TASP1: variants seen among roughly 807,000 people sequenced by gnomAD.
TASP1 encodes taspase 1.
In TASP1, 16 loss-of-function variants were observed where a neutral mutation model predicts 56.6. The ratio of observed to expected loss-of-function variants is 0.28; its 90% CI spans 0.19 to 0.43. The LOEUF is 0.43. Among genes scored for constraint, TASP1 ranks in the 20% least tolerant of loss-of-function variants. TASP1 has a pLI of 1.00. For synonymous variants in TASP1, 179 were observed against 184.2 expected, an observed-to-expected ratio of 0.97 and a Z score of 0.23; for missense variants, 393 against 511.6, an observed-to-expected ratio of 0.77 and a Z score of 2.24.
At chr20:13,634,344 C>T (rs565320994) in intron 1 of TASP1, among the ~76,000 whole-genome samples, 4 of 152,172 alleles carry the variant, frequency 2.6e-5, no homozygotes, top group South Asian at 2.1e-4. Flanking sequence ...AAGAGACAGA[C>T]GGTAGATCTG....
the TASP1 span, among the ~76,000 whole-genome samples, chr20:13,201,237 G>C: frequency 6.6e-6 from 1 of 152,198 alleles, no homozygotes; most frequent in African/African-American, 2.4e-5. Context: ...AGAAAGGCAA[G>C]AGTAAAATTA....
intron 7 of TASP1, among the ~76,000 whole-genome samples, chr20:13,566,109 G>T (rs1336311754): frequency 1.3e-5 from 2 of 152,108 alleles, no homozygotes; most frequent in Non-Finnish European, 2.9e-5. Flanking sequence ...AGTACTCTAT[G>T]ATTCCACTTA....
the TASP1 span, among the ~76,000 whole-genome samples, chr20:13,343,817 A>G: frequency 6.6e-5 from 10 of 152,124 alleles, no homozygotes; most frequent in Non-Finnish European, 1.0e-4. Flanking sequence ...AAAGAAAGAC[A>G]TTAGGGATCC....
chr20:13,541,101 T>C (rs1179466147), intron 8 of TASP1, among the ~76,000 whole-genome samples: 3 of 150,434 alleles, frequency 2.0e-5, no homozygotes, highest in Admixed American at 6.6e-5. Context: ...CTATAGAGAA[T>C]AGACAAAATA....
At chr20:13,284,738 A>C in the TASP1 span, among the ~76,000 whole-genome samples, 2 of 152,222 alleles carry the variant, frequency 1.3e-5, no homozygotes, top group Non-Finnish European at 2.9e-5. Context: ...CCTAGGAGGC[A>C]GTTTCACTTC....
At chr20:13,613,545 A>G (rs780682403) in intron 4 of TASP1, among the ~76,000 whole-genome samples, 14 of 151,954 alleles carry the variant, frequency 9.2e-5, no homozygotes, top group Non-Finnish European at 1.6e-4. Context: ...CAGAAAGCCT[A>G]TTTTCATCCA....
At chr20:13,405,810 C>A (rs193229686) in intron 13 of TASP1, among the ~76,000 whole-genome samples, 534 of 152,018 alleles carry the variant, frequency 3.5e-3, no homozygotes, top group African/African-American at 0.012. Flanking sequence ...CCCGCCTCAG[C>A]CTCCGAAAGT....
At chr20:13,142,987 T>C in the TASP1 span, among the ~76,000 whole-genome samples, 1 of 152,214 alleles carries the variant, frequency 6.6e-6, no homozygotes, top group Non-Finnish European at 1.5e-5. Context: ...GCTCTCTTAA[T>C]TAGGACTTCA....
chr20:13,585,348 A>G (rs139141806), intron 5 of TASP1, among the ~76,000 whole-genome samples: 320 of 152,330 alleles, frequency 2.1e-3, no homozygotes, highest in African/African-American at 7.2e-3. Context: ...TGCTAACTTA[A>G]ACTTCATTAA....
chr20:13,172,357 T>C, the TASP1 span, among the ~76,000 whole-genome samples: 1 of 152,164 alleles, frequency 6.6e-6, no homozygotes, highest in Non-Finnish European at 1.5e-5. Flanking sequence ...ATTATAAACA[T>C]GGAAAGTTCA....
chr20:13,363,883 G>C, the TASP1 span, among the ~76,000 whole-genome samples: 1 of 152,144 alleles, frequency 6.6e-6, no homozygotes, highest in African/African-American at 2.4e-5. Flanking sequence ...CCTCAGAAAT[G>C]AGCATTAAGG....
chr20:13,610,714 G>T (rs1053458707), intron 4 of TASP1, among the ~76,000 whole-genome samples: 14 of 151,942 alleles, frequency 9.2e-5, no homozygotes, highest in African/African-American at 3.4e-4. Context: ...AAGAGTCAAA[G>T]AATTAAAATT....
chr20:13,541,568 C>T (rs1220647753), intron 8 of TASP1, among the ~76,000 whole-genome samples: 1 of 152,028 alleles, frequency 6.6e-6, no homozygotes, highest in East Asian at 1.9e-4. Flanking sequence ...CATCTCATCA[C>T]CTTCTAAAAT....
the TASP1 span, among the ~76,000 whole-genome samples, chr20:13,162,748 C>G: frequency 6.6e-6 from 1 of 152,238 alleles, no homozygotes; most frequent in Admixed American, 6.5e-5. Flanking sequence ...AAATATATAG[C>G]CAGCCAGTGA....
chr20:13,514,092 T>C (rs1481156094), intron 10 of TASP1, among the ~76,000 whole-genome samples: 1 of 152,166 alleles, frequency 6.6e-6, no homozygotes, highest in Non-Finnish European at 1.5e-5. Flanking sequence ...CTTCAAATCC[T>C]TATTATTCTC....
chr20:13,571,948 T>A (rs2046730840), intron 6 of TASP1, among the ~76,000 whole-genome samples: 1 of 152,158 alleles, frequency 6.6e-6, no homozygotes, highest in African/African-American at 2.4e-5. Flanking sequence ...TTCCTTCACA[T>A]GCTCAAATAT....
intron 8 of TASP1, among the ~76,000 whole-genome samples, chr20:13,552,190 C>A (rs1236086123): frequency 6.6e-6 from 1 of 152,144 alleles, no homozygotes; most frequent in Non-Finnish European, 1.5e-5. Flanking sequence ...TGAGTAACTG[C>A]ATGAAATATA....
rs62209014 is a variant in TASP1, at chr20:13,422,674, C to T, written c.1097-5153G>A. On this transcript the variant is annotated intron_variant, in intron 12 of 13. Coordinates refer to ENST00000337743, the MANE Select transcript of TASP1 (RefSeq NM_017714.3). ...GACAGCACTTCAGTACTATGCTTGG[C>T]GCAATTTTAAATGGCAAAATCACCA... Among the ~76,000 whole-genome samples, 24 of 152,212 alleles carry T rather than the reference C, an allele frequency of 1.6e-4. 1 individual carries two copies. Among genetic ancestry groups the T allele is most frequent in the African/African-American group, 4.6e-4 (19 of 41,546 alleles).
At chr20:13,553,331 G>T (rs1391714532) in intron 8 of TASP1, among the ~76,000 whole-genome samples, 1 of 152,108 alleles carries the variant, frequency 6.6e-6, no homozygotes, top group Non-Finnish European at 1.5e-5. Flanking sequence ...CATGGTTTCA[G>T]CTTGCATGGT....
Sources: allele counts gnomAD v4.1 joint callset (sites outside exome capture counted in the v4.1 genomes callset), GRCh38; gene constraint gnomAD v4.1.1; transcripts MANE v1.5; gene names NCBI Gene and HGNC (gene_info 2026-07-23, HGNC 2026-07-21).